TAB2: variants seen among roughly 807,000 people sequenced by gnomAD.
TAB2 encodes the protein TGF-beta-activated kinase 1 and MAP3K7-binding protein 2.
A neutral mutation model predicts 65.0 loss-of-function variants in TAB2; 3 were observed. The observed-to-expected ratio is 0.05, with a 90% CI of 0.02 to 0.12. The LOEUF (loss-of-function observed/expected upper bound fraction) is 0.12. Among genes scored for constraint, TAB2 ranks in the 10% least tolerant of loss-of-function variants. The pLI is 1.00. For missense variants in TAB2, 623 were observed against 840.3 expected, an observed-to-expected ratio of 0.74 and a Z score of 3.20; for synonymous variants, 298 against 285.1, an observed-to-expected ratio of 1.05 and a Z score of -0.46.
intron 1 of TAB2, among the ~76,000 whole-genome samples, chr6:149,257,976 C>T (rs752287183): frequency 1.9e-4 from 29 of 152,086 alleles, no homozygotes; most frequent in Non-Finnish European, 3.5e-4. Context: ...AGCTTTTGCC[C>T]ACATGAGAGA....
intron 1 of TAB2, among the ~76,000 whole-genome samples, chr6:149,262,357 AC>A (rs1369364740): frequency 6.6e-6 from 1 of 151,966 alleles, no homozygotes; most frequent in Non-Finnish European, 1.5e-5. Context: ...ACATGGTGAA[AC>A]CCCGTCTCTA....
At chr6:149,268,534 T>G (rs1255373184) in intron 1 of TAB2, among the ~76,000 whole-genome samples, 1 of 152,224 alleles carries the variant, frequency 6.6e-6, no homozygotes, top group Non-Finnish European at 1.5e-5. Flanking sequence ...ATGTTGACAT[T>G]TATGATGACT....
At chr6:149,324,974 T>A (rs1435014502) in intron 1 of TAB2, among the ~76,000 whole-genome samples, 1 of 152,014 alleles carries the variant, frequency 6.6e-6, no homozygotes, top group Non-Finnish European at 1.5e-5. Context: ...TTTCTAAAAA[T>A]TTTTTATAGA....
Position 149,343,775 on chromosome 6 carries a change from C to T in TAB2, c.-90+25760C>T, listed in dbSNP as rs117254111. Among the ~76,000 whole-genome samples the T allele has an allele frequency of 1.1e-4, 16 of 152,188 alleles. No homozygotes were observed. In the East Asian group the frequency reaches 2.5e-3, roughly 24 times the overall value. ...TCATGAATGGTTAGAGGGCCAAGAT[C>T]AATTAGCTTTTAAGGATATTTATTC... On this transcript the variant is annotated intron_variant, in intron 1 of 6. Coordinates refer to ENST00000637181, the MANE Select transcript of TAB2 (RefSeq NM_001292034.3).
At chr6:149,249,880 T>C (rs1056402171) in intron 1 of TAB2, among the ~76,000 whole-genome samples, 1 of 152,146 alleles carries the variant, frequency 6.6e-6, no homozygotes, top group Non-Finnish European at 1.5e-5. Context: ...AAATTCTAAG[T>C]CCTGTACCTA....
intron 1 of TAB2, among the ~76,000 whole-genome samples, chr6:149,250,279 T>C (rs1777831675): frequency 6.6e-6 from 1 of 151,470 alleles, no homozygotes; most frequent in African/African-American, 2.4e-5. Flanking sequence ...TAAACCTTAG[T>C]GTGTAGACAG....
At chr6:149,263,103 C>T (rs1335399702) in intron 1 of TAB2, among the ~76,000 whole-genome samples, 1 of 152,168 alleles carries the variant, frequency 6.6e-6, no homozygotes, top group South Asian at 2.1e-4. Context: ...CCACACCTGG[C>T]CTCTCTTCAC....
chr6:149,334,268 C>T (rs1779869685), intron 1 of TAB2, among the ~76,000 whole-genome samples: 1 of 152,118 alleles, frequency 6.6e-6, no homozygotes, highest in Non-Finnish European at 1.5e-5. Context: ...AGTGTCAGCA[C>T]CTTCTGCTGA....
chr6:149,387,069 A>G (rs1781829834), intron 3 of TAB2, among the ~76,000 whole-genome samples: 1 of 151,998 alleles, frequency 6.6e-6, no homozygotes, highest in Non-Finnish European at 1.5e-5. Context: ...CACTTTCTTG[A>G]TGGTGTCCTT....
chr6:149,405,219 C>A (rs1480298528), intron 6 of TAB2, among the ~76,000 whole-genome samples: 2 of 152,102 alleles, frequency 1.3e-5, no homozygotes, highest in African/African-American at 4.8e-5. Context: ...TGAGATACCA[C>A]CTTACAAACT....
chr6:149,302,189 G>A (rs1778982952), intron 1 of TAB2, among the ~76,000 whole-genome samples: 2 of 151,976 alleles, frequency 1.3e-5, no homozygotes, highest in African/African-American at 4.8e-5. Flanking sequence ...ACATATATAT[G>A]TATTTATATT....
intron 6 of TAB2, among the ~76,000 whole-genome samples, chr6:149,409,068 G>A (rs750559854): frequency 6.6e-6 from 1 of 152,096 alleles, no homozygotes. Flanking sequence ...TGGATAAGAC[G>A]TTAGATACTA....
At chr6:149,400,192 T>C (rs972441776) in intron 6 of TAB2, 31 of 591,442 alleles carry the variant, frequency 5.2e-5, no homozygotes, top group African/African-American at 5.0e-4. Flanking sequence ...AAACAGGATC[T>C]GGCAGCAGCC....
chr6:149,231,987 C>A (rs969369991), intron 1 of TAB2, among the ~76,000 whole-genome samples: 3 of 152,094 alleles, frequency 2.0e-5, no homozygotes, highest in Non-Finnish European at 4.4e-5. Context: ...GATCTACAAA[C>A]GCTTGGGAAA....
In TAB2 at chr6:149,378,176, T is replaced by C. The variant is rs763608821; in HGVS notation, c.261T>C (p.Ile87=). 6 of 1,614,024 alleles carry C rather than the reference T, an allele frequency of 3.7e-6. No homozygotes were observed. The African/African-American group carries it at 6.7e-5, about 18-fold the overall frequency. ...ACTTGGACTTGCAATCACAGAACATTTACCACCATGGAAGAGAAGGAAGTA... is the reference window on the plus strand; with the variant it reads ...ACTTGGACTTGCAATCACAGAACATCTACCACCATGGAAGAGAAGGAAGTA... ...SLNLDLQSQN[I]YHHGREGSRM... is the part of the protein sequence containing the mutation. Residue 87 remains isoleucine (I), a synonymous_variant, in exon 3 of 7, where the codon ATT becomes ATC. Coordinates refer to ENST00000637181, the MANE Select transcript of TAB2 (RefSeq NM_001292034.3).
intron 1 of TAB2, among the ~76,000 whole-genome samples, chr6:149,286,118 CAAGT>C (rs61347764): frequency 0.2 from 30,351 of 151,916 alleles, 3,207 homozygotes; most frequent in East Asian, 0.43. Flanking sequence ...ATCTTTTTAT[CAAGT>C]AAGTAGTTCC....
At chr6:149,398,383 A>T (rs1194434888) in intron 5 of TAB2, among the ~76,000 whole-genome samples, 2 of 152,176 alleles carry the variant, frequency 1.3e-5, no homozygotes, top group Non-Finnish European at 2.9e-5. Flanking sequence ...TTCCATAGAG[A>T]ACTAAAAGGA....
At chr6:149,233,020 C>T (rs969248059) in intron 1 of TAB2, among the ~76,000 whole-genome samples, 1 of 152,198 alleles carries the variant, frequency 6.6e-6, no homozygotes, top group African/African-American at 2.4e-5. Context: ...GGGCATAGTA[C>T]ATAATAGCCC....
intron 1 of TAB2, among the ~76,000 whole-genome samples, chr6:149,325,381 A>G (rs769027636): frequency 6.6e-6 from 1 of 152,220 alleles, no homozygotes; most frequent in Non-Finnish European, 1.5e-5. Flanking sequence ...TTTTTCTTCA[A>G]GGTATCTGTC....
Sources: allele counts gnomAD v4.1 joint callset (sites outside exome capture counted in the v4.1 genomes callset), GRCh38; gene constraint gnomAD v4.1.1; transcripts MANE v1.5; gene names NCBI Gene and HGNC (gene_info 2026-07-23, HGNC 2026-07-21).